The following KCNQ1OT1 variants were observed in gnomAD, a reference collection of about 807,000 sequenced individuals.
KCNQ1OT1 encodes the protein KCNQ1 antisense RNA 2 (non-protein coding).
rs1849278170 is a variant in KCNQ1OT1 at position 2,627,376 on chromosome 11, A to G, written n.72619T>C. The G allele has an allele frequency of 1.8e-5, 7 of 398,388 alleles. No homozygotes were observed. The highest frequency in any genetic ancestry group is 2.7e-5 in the Non-Finnish European group (6 of 226,046). The allele number at this position is 398,388 out of a possible 1,614,324, so 24.7% of individuals were successfully genotyped here. A position where few individuals can be genotyped will look rare whatever the true frequency, so the allele number is the denominator to read the frequency against. On this transcript the variant is annotated non_coding_transcript_exon_variant, in exon 1 of 1. Transcript: ENST00000597346. This position sits in a 1 kb window ranked among gnomAD's most constrained non-coding sequence, Gnocchi z 4.9. Reference sequence around the variant, plus strand: ...ATTCCAAGTATAGAATATATTAACTATAGTCACCAATCTGGACGTTATGTC... The same window carrying G: ...ATTCCAAGTATAGAATATATTAACTGTAGTCACCAATCTGGACGTTATGTC...
At chr11:2,681,309 TTC>T in exon 1 of KCNQ1OT1, 1 of 398,518 alleles carries the variant, frequency 2.5e-6, no homozygotes, top group Admixed American at 4.4e-5. Flanking sequence ...GCCCACCTGG[TTC>T]TCTGTCTCTC....
rs231361 is a variant in KCNQ1OT1, at chr11:2,670,270, G to A, written n.29725C>T. 125,619 of 398,378 alleles carry A rather than the reference G, an allele frequency of 0.32. 24,592 individuals are homozygous for A. Among genetic ancestry groups the A allele is most frequent in the East Asian group, 0.83 (23,282 of 28,068 alleles). The allele number at this position is 398,378 out of a possible 1,614,324, so 24.7% of individuals were successfully genotyped here. A position where few individuals can be genotyped will look rare whatever the true frequency, so the allele number is the denominator to read the frequency against. On this transcript the variant is annotated non_coding_transcript_exon_variant, in exon 1 of 1. Coordinates refer to ENST00000597346, the Ensembl canonical transcript of KCNQ1OT1. This position sits in a 1 kb window ranked among gnomAD's most constrained non-coding sequence, Gnocchi z 4.9. ...CGGGCGAGGGAAGAGGACCATGGTAGCTTGTCTCTAGGCAACCCATAGGTG... is the reference window on the plus strand; with the variant it reads ...CGGGCGAGGGAAGAGGACCATGGTAACTTGTCTCTAGGCAACCCATAGGTG...
exon 1 of KCNQ1OT1, chr11:2,684,618 A>C (rs1314832668): frequency 2.5e-6 from 1 of 398,600 alleles, no homozygotes; most frequent in East Asian, 3.6e-5. Context: ...CCTGGATTTG[A>C]GGCTAAGCCT....
chr11:2,640,388 T>G (rs1849554646), exon 1 of KCNQ1OT1: 1 of 398,652 alleles, frequency 2.5e-6, no homozygotes, highest in Non-Finnish European at 4.4e-6. Flanking sequence ...CAGGCTCAAG[T>G]CATTCTCCAT....
Position 2,695,919 on chromosome 11 carries a change from T to C in KCNQ1OT1, n.4076A>G. The C allele has an allele frequency of 2.5e-6, 1 of 398,674 alleles. No individual in the cohort carries two copies. The highest frequency in any genetic ancestry group is 4.4e-6 in the Non-Finnish European group (1 of 226,068). 24.7% of individuals were successfully genotyped at this position (398,674 alleles called of 1,614,324 possible). A position where few individuals can be genotyped will look rare whatever the true frequency, so the allele number is the denominator to read the frequency against. ...CTACCTTTTTCTTAATGATTTGTGG[T>C]GCTTTCTGGTATATTTTAGCTGTTG... On this transcript the variant is annotated non_coding_transcript_exon_variant, in exon 1 of 1. Coordinates refer to ENST00000597346, the Ensembl canonical transcript of KCNQ1OT1. The surrounding 1 kb of genome is among the most constrained non-coding windows in gnomAD (Gnocchi z 5.2).
rs1345844293 is a variant in KCNQ1OT1 at position 2,623,796 on chromosome 11, T to C, written n.76199A>G. 1 of 398,614 alleles carries C rather than the reference T, an allele frequency of 2.5e-6. No individual in the cohort carries two copies. The highest frequency in any genetic ancestry group is 4.4e-6 in the Non-Finnish European group (1 of 226,060). The allele number at this position is 398,614 out of a possible 1,614,324, so 24.7% of individuals were successfully genotyped here. The stretch of plus-strand genomic sequence containing the variant: ...CTTTGAGTAAATACCAAGGATGTGA[T>C]TGCTGAACTGCATGGTAAGAATATG... On this transcript the variant is annotated non_coding_transcript_exon_variant, in exon 1 of 1. Transcript: ENST00000597346. This position sits in a 1 kb window ranked among gnomAD's most constrained non-coding sequence, Gnocchi z 5.2.
exon 1 of KCNQ1OT1, chr11:2,684,101 C>A (rs902476099): frequency 4.8e-5 from 19 of 398,442 alleles, no homozygotes; most frequent in Non-Finnish European, 8.0e-5. Context: ...ATTTCAGAAC[C>A]CTTTCACATA....
At chr11:2,665,790 TAAGATGAAGCA>T (rs1850056756) in exon 1 of KCNQ1OT1, 1 of 398,342 alleles carries the variant, frequency 2.5e-6, no homozygotes. Context: ...CAACCCTGCC[TAAGATGAAGCA>T]AGGACTGCAG....
chr11:2,686,481 A>T (rs1850491885), exon 1 of KCNQ1OT1: 2 of 398,346 alleles, frequency 5.0e-6, no homozygotes, highest in Non-Finnish European at 8.8e-6. Context: ...CCCAACAGAT[A>T]CCCCCACCCT....
rs1261072155 is a variant in KCNQ1OT1, at chr11:2,608,472, T to G, written n.91523A>C. 7.5e-6 allele frequency: 3 copies of G among 398,454 alleles called. No homozygotes were observed. The highest frequency in any genetic ancestry group is 4.1e-5 in the African/African-American group (2 of 48,614). 24.7% of individuals were successfully genotyped at this position (398,454 alleles called of 1,614,324 possible). ...TTGGTAGTATACTTCCCTCATTCAT[T>G]CCTTTTTCCTTTTCTTTTTGAGAAA... On this transcript the variant is annotated non_coding_transcript_exon_variant, in exon 1 of 1. Coordinates refer to ENST00000597346, the Ensembl canonical transcript of KCNQ1OT1. The surrounding 1 kb of genome is among the most constrained non-coding windows in gnomAD (Gnocchi z 4.6).
At chr11:2,644,248 A>G (rs1849629454) in exon 1 of KCNQ1OT1, 2 of 398,422 alleles carry the variant, frequency 5.0e-6, no homozygotes, top group South Asian at 1.3e-4. Flanking sequence ...GGCATCCTAT[A>G]GTCACATAGC....
At chr11:2,685,732 G>A (rs1006273497) in exon 1 of KCNQ1OT1, 7 of 398,582 alleles carry the variant, frequency 1.8e-5, no homozygotes, top group African/African-American at 6.2e-5. Context: ...CTGACAGTCC[G>A]CCGAAATGGC....
rs1012702817 is a variant in KCNQ1OT1 at position 2,626,034 on chromosome 11, A to G, written n.73961T>C. 1.3e-5 allele frequency: 5 copies of G among 398,428 alleles called. No individual in the cohort carries two copies. The highest frequency in any genetic ancestry group is 2.2e-5 in the Non-Finnish European group (5 of 226,046). 24.7% of individuals were successfully genotyped at this position (398,428 alleles called of 1,614,324 possible). A position where few individuals can be genotyped will look rare whatever the true frequency, so the allele number is the denominator to read the frequency against. On this transcript the variant is annotated non_coding_transcript_exon_variant, in exon 1 of 1. Coordinates refer to ENST00000597346, the Ensembl canonical transcript of KCNQ1OT1. The surrounding 1 kb of genome is among the most constrained non-coding windows in gnomAD (Gnocchi z 4.0). Reference sequence around the variant, plus strand: ...ATATTATTTTAATGCACACAATGTAAATTTTTAAAATTTATCTAGTTTTAC... The same window carrying G: ...ATATTATTTTAATGCACACAATGTAGATTTTTAAAATTTATCTAGTTTTAC...
rs1299659748 is a variant in KCNQ1OT1 at position 2,608,981 on chromosome 11, C to T, written n.91014G>A. 3 of 398,128 alleles carry T rather than the reference C, an allele frequency of 7.5e-6. No individual in the cohort carries two copies. The highest frequency in any genetic ancestry group is 7.1e-5 in the East Asian group (2 of 28,074). 24.7% of individuals were successfully genotyped at this position (398,128 alleles called of 1,614,324 possible). On this transcript the variant is annotated non_coding_transcript_exon_variant, in exon 1 of 1. Transcript: ENST00000597346. This position sits in a 1 kb window ranked among gnomAD's most constrained non-coding sequence, Gnocchi z 4.6. ...TCAAAGGTTTGTTAATTTCAAAGAA[C>T]CAAATTTTGGATTTGTTGACTTTAT...
At chr11:2,628,037 C>T in exon 1 of KCNQ1OT1, 1 of 398,662 alleles carries the variant, frequency 2.5e-6, no homozygotes, top group Non-Finnish European at 4.4e-6. Context: ...CAGGTACAAG[C>T]CACCATGCCT....
rs1305127264 is a variant in KCNQ1OT1 at position 2,665,003 on chromosome 11, G to A, written n.34992C>T. On this transcript the variant is annotated non_coding_transcript_exon_variant, in exon 1 of 1. Coordinates refer to ENST00000597346, the Ensembl canonical transcript of KCNQ1OT1. Reference sequence around the variant, plus strand: ...GGCTGGGCGAAGCTCCTCTTTCCGGGGCCTGTTAGCCAGAGGTGGGGTGGG... The same window carrying A: ...GGCTGGGCGAAGCTCCTCTTTCCGGAGCCTGTTAGCCAGAGGTGGGGTGGG... 8 of 398,656 alleles carry A rather than the reference G, an allele frequency of 2.0e-5. No homozygotes were observed. In the East Asian group the frequency reaches 2.5e-4, roughly 12 times the overall value. The allele number at this position is 398,656 out of a possible 1,614,324, so 24.7% of individuals were successfully genotyped here. A position where few individuals can be genotyped will look rare whatever the true frequency, so the allele number is the denominator to read the frequency against.
In KCNQ1OT1 at chr11:2,670,322, G is replaced by C; in HGVS notation, n.29673C>G. The C allele has an allele frequency of 2.5e-6, 1 of 398,526 alleles. No individual in the cohort carries two copies. Among genetic ancestry groups the C allele is most frequent in the Non-Finnish European group, 4.4e-6 (1 of 226,080 alleles). 24.7% of individuals were successfully genotyped at this position (398,526 alleles called of 1,614,324 possible). ...CCAATGGAGAGATAATCTCAAATATGGTAGCAGAGTTCAGACTCAGTGGCT... is the reference window on the plus strand; with the variant it reads ...CCAATGGAGAGATAATCTCAAATATCGTAGCAGAGTTCAGACTCAGTGGCT... On this transcript the variant is annotated non_coding_transcript_exon_variant, in exon 1 of 1. Transcript: ENST00000597346. This position sits in a 1 kb window ranked among gnomAD's most constrained non-coding sequence, Gnocchi z 4.9.
rs1200327980 is a variant in KCNQ1OT1, at chr11:2,653,752, G to GC, written n.46242dup. 2.5e-6 allele frequency: 1 copy of GC among 398,510 alleles called. No individual in the cohort carries two copies. The highest frequency in any genetic ancestry group is 4.4e-6 in the Non-Finnish European group (1 of 226,090). 24.7% of individuals were successfully genotyped at this position (398,510 alleles called of 1,614,324 possible). A position where few individuals can be genotyped will look rare whatever the true frequency, so the allele number is the denominator to read the frequency against. Reference sequence around the variant, plus strand: ...AGAATCTAAGGCCAGGTTCTTATTGGCCTCAGCTGGGGTACAAGCCATCCT... The same window carrying GC: ...AGAATCTAAGGCCAGGTTCTTATTGGCCCTCAGCTGGGGTACAAGCCATCCT... On this transcript the variant is annotated non_coding_transcript_exon_variant, in exon 1 of 1. Transcript: ENST00000597346. The surrounding 1 kb of genome is among the most constrained non-coding windows in gnomAD (Gnocchi z 5.3).
In KCNQ1OT1 at chr11:2,620,543, G is replaced by A; in HGVS notation, n.79452C>T. 2.5e-6 allele frequency: 1 copy of A among 395,378 alleles called. No individual in the cohort carries two copies. The highest frequency in any genetic ancestry group is 4.5e-6 in the Non-Finnish European group (1 of 224,588). The allele number at this position is 395,378 out of a possible 1,614,324, so 24.5% of individuals were successfully genotyped here. A position where few individuals can be genotyped will look rare whatever the true frequency, so the allele number is the denominator to read the frequency against. ...ATTCATTCATTTTTATGGCTGCATA[G>A]TATTCCATGGTGTACATGTACCACA... On this transcript the variant is annotated non_coding_transcript_exon_variant, in exon 1 of 1. Transcript: ENST00000597346. This position sits in a 1 kb window ranked among gnomAD's most constrained non-coding sequence, Gnocchi z 4.5.
Sources: allele counts gnomAD v4.1 joint callset, GRCh38; gene constraint gnomAD v4.1.1; non-coding constraint Gnocchi (gnomAD v3.1); transcripts MANE v1.5; gene names NCBI Gene and HGNC (gene_info 2026-07-23, HGNC 2026-07-21).